ANO5: variants seen among roughly 807,000 people sequenced by gnomAD.
ANO5 encodes anoctamin 5.
A neutral mutation model predicts 121.0 loss-of-function variants in ANO5; 109 were observed. That is an observed-to-expected ratio of 0.90 (90% CI 0.77 to 1.06). The LOEUF is 1.06. Ranked by LOEUF, ANO5 falls within the 50% of genes least tolerant of loss-of-function variation. ANO5 has a pLI of 0.00. For synonymous variants in ANO5, 406 were observed against 359.9 expected (o/e 1.13, Z -1.45); for missense variants, 1,064 against 1,078.5 (o/e 0.99, Z 0.19).
chr11:22,211,456 A>G, intron 3 of ANO5, 142 bp downstream of exon 3: 1 of 1,051,400 alleles, frequency 9.5e-7, no homozygotes, highest in Non-Finnish European at 1.4e-6. Context: ...TACTTTAGAA[A>G]AAAAAAATCA....
At chr11:22,257,876 A>G in intron 14 of ANO5, 122 bp downstream of exon 14, 1 of 795,008 alleles carries the variant, frequency 1.3e-6, no homozygotes, top group South Asian at 1.5e-5. Flanking sequence ...TGGTCTTTTT[A>G]TCTTGGTTAT....
chr11:22,283,152 G>A lies in ANO5; in HGVS notation c.*3387G>A, dbSNP rs921154554. On this transcript the variant is annotated 3_prime_UTR_variant, in exon 22 of 22. Coordinates refer to ENST00000324559, the MANE Select transcript of ANO5 (RefSeq NM_213599.3). ...TTCCTCCTCCTCAAAGGTTTGACTG[G>A]GTGTATCTCTCCTATGTGTGACATT... The A allele has an allele frequency of 3.9e-5, 6 of 152,128 alleles. No individual in the cohort carries two copies. The highest frequency in any genetic ancestry group is 3.9e-4 in the Admixed American group (6 of 15,280). The allele number at this position is 152,128 out of a possible 1,614,324, so 9.4% of individuals were successfully genotyped here.
chr11:22,272,463 G>T (rs554992284), intron 18 of ANO5, among the ~76,000 whole-genome samples: 1 of 152,170 alleles, frequency 6.6e-6, no homozygotes, highest in East Asian at 1.9e-4. Flanking sequence ...TAGATGTAAA[G>T]ACTAGACAAG....
intron 21 of ANO5, among the ~76,000 whole-genome samples, chr11:22,278,958 T>A (rs1854972682): frequency 6.6e-6 from 1 of 151,694 alleles, no homozygotes; most frequent in Non-Finnish European, 1.5e-5. Context: ...GTGGTATAAT[T>A]TCTGCAGAAA....
Position 22,227,317 on chromosome 11 carries a change from A to T in ANO5, c.379A>T (p.Arg127Ter). The T allele has an allele frequency of 6.2e-7, 1 of 1,613,378 alleles. No homozygotes were observed. Among genetic ancestry groups the T allele is most frequent in the Non-Finnish European group, 8.5e-7 (1 of 1,179,668 alleles). ...TTTAATGCAGGACTCGGAAGATGGA[A>T]GAACTTATTTTGTCAAGATCCATGC... is the stretch of plus-strand genomic sequence containing the variant. ...IEDKRDSEDGRTYFVKIHAPW... is the reference protein window; with the variant it reads ...IEDKRDSEDG The change falls in exon 7 of 22, where the codon AGA becomes TGA. Residue 127 changes from arginine (R) to a stop codon, truncating the protein, a stop_gained. Coordinates refer to ENST00000324559, the MANE Select transcript of ANO5 (RefSeq NM_213599.3). LOFTEE classifies it high-confidence loss of function.
intron 12 of ANO5, among the ~76,000 whole-genome samples, chr11:22,253,581 A>C (rs565386098): frequency 6.6e-6 from 1 of 152,266 alleles, no homozygotes; most frequent in East Asian, 1.9e-4. Context: ...AGTTCATGAA[A>C]CTGTTCTCCC....
intron 11 of ANO5, 23 bp from the exon 12 acceptor site, chr11:22,250,928 T>C: frequency 6.2e-7 from 1 of 1,609,682 alleles, no homozygotes. Context: ...ATCTTTGTGA[T>C]ATTGTTATTG....
intron 4 of ANO5, among the ~76,000 whole-genome samples, chr11:22,218,502 A>G (rs1030015791): frequency 7.2e-5 from 11 of 152,052 alleles, no homozygotes; most frequent in Admixed American, 6.6e-4. Flanking sequence ...ACATTCTCAC[A>G]CATACACGTA....
At chr11:22,216,418 G>T (rs1852445449) in intron 3 of ANO5, among the ~76,000 whole-genome samples, 1 of 151,724 alleles carries the variant, frequency 6.6e-6, no homozygotes, top group South Asian at 2.1e-4. Context: ...AGTATCTTGT[G>T]ATTTCAATTC....
At position 22,271,568 on chromosome 11, in the gene ANO5, T is replaced by A. The variant is rs115677528; in HGVS notation, c.2029+1126T>A. Among the ~76,000 whole-genome samples, 839 of 152,322 alleles carry A rather than the reference T, an allele frequency of 5.5e-3. 4 individuals are homozygous for A. The highest frequency in any genetic ancestry group is 0.018 in the African/African-American group (758 of 41,570). On this transcript the variant is annotated intron_variant, in intron 18 of 21. Coordinates refer to ENST00000324559, the MANE Select transcript of ANO5 (RefSeq NM_213599.3). ...GCTATGATTTTTAATTGTGTAAGTT[T>A]CAAATGAGTTTGCACATATGTACAT...
chr11:22,231,101 AC>A (rs1181695193), intron 7 of ANO5, among the ~76,000 whole-genome samples: 13 of 151,976 alleles, frequency 8.6e-5, no homozygotes, highest in African/African-American at 3.1e-4. Context: ...GTGGCTGAGA[AC>A]TGCATGATTC....
Position 22,227,358 on chromosome 11 carries a change from A to C in ANO5, c.420A>C (p.Leu140Phe). 6.2e-7 allele frequency: 1 copy of C among 1,613,442 alleles called. No individual in the cohort carries two copies. The highest frequency in any genetic ancestry group is 8.5e-7 in the Non-Finnish European group (1 of 1,179,708). ...AGATCCATGCCCCTTGGGAGGTATTAGTTACCTATGCTGAAGTCTTGGGAA... is the reference window on the plus strand; with the variant it reads ...AGATCCATGCCCCTTGGGAGGTATTCGTTACCTATGCTGAAGTCTTGGGAA... ...FVKIHAPWEV[L>F]VTYAEVLGIK... is the part of the protein sequence containing the mutation. Residue 140 changes from leucine to phenylalanine, a missense_variant, in exon 7 of 22, where the codon TTA (leucine) becomes TTC (phenylalanine). Physicochemically the swap from Leu to Phe is conservative, Grantham distance 22. Transcript: ENST00000324559.
At chr11:22,245,129 T>A (rs1457767214) in intron 9 of ANO5, among the ~76,000 whole-genome samples, 4 of 152,180 alleles carry the variant, frequency 2.6e-5, no homozygotes, top group Non-Finnish European at 5.9e-5. Context: ...TTTTGTATAT[T>A]GGCAGAATGT....
Position 22,239,554 on chromosome 11 carries a change from C to T in ANO5, c.763-15C>T, listed in dbSNP as rs753314082. ...TGCTTCGTCTTTTATGTACCCTCCT[C>T]TTGAATATCTGCAGGGCCAATATTG... is the stretch of plus-strand genomic sequence containing the variant. On this transcript the variant is annotated splice_polypyrimidine_tract_variant and intron_variant, in intron 8 of 21. Coordinates refer to ENST00000324559, the MANE Select transcript of ANO5 (RefSeq NM_213599.3). 12 of 1,573,474 alleles carry T rather than the reference C, an allele frequency of 7.6e-6. No homozygotes were observed. In the East Asian group the frequency reaches 1.6e-4, roughly 21 times the overall value.
intron 19 of ANO5, 106 bp from the exon 20 acceptor site, chr11:22,274,463 C>A: frequency 9.7e-7 from 1 of 1,031,460 alleles, no homozygotes; most frequent in Non-Finnish European, 1.4e-6. Flanking sequence ...AGTATTTAAT[C>A]ATTTTGCATC....
chr11:22,239,209 T>TA (rs894636110), intron 8 of ANO5, among the ~76,000 whole-genome samples: 4 of 151,708 alleles, frequency 2.6e-5, no homozygotes, highest in Non-Finnish European at 4.4e-5. Flanking sequence ...TTTTCATCTA[T>TA]AAAAAAAAGT....
intron 3 of ANO5, among the ~76,000 whole-genome samples, chr11:22,214,620 T>A (rs1358266622): frequency 6.6e-6 from 1 of 151,884 alleles, no homozygotes; most frequent in Non-Finnish European, 1.5e-5. Context: ...CTATAGACAT[T>A]ATCAAGAGGC....
At chr11:22,266,135 A>G (rs563771779) in intron 17 of ANO5, among the ~76,000 whole-genome samples, 1 of 152,296 alleles carries the variant, frequency 6.6e-6, no homozygotes, top group African/African-American at 2.4e-5. Context: ...ACTATTTTTT[A>G]AAAAGCAAGG....
chr11:22,212,305 A>G (rs1016284350), intron 3 of ANO5, among the ~76,000 whole-genome samples: 15 of 151,850 alleles, frequency 9.9e-5, no homozygotes, highest in Admixed American at 7.9e-4. Flanking sequence ...ATATGAAACA[A>G]AGTGTTTTCA....
Sources: allele counts gnomAD v4.1 joint callset (sites outside exome capture counted in the v4.1 genomes callset), GRCh38; gene constraint gnomAD v4.1.1; transcripts MANE v1.5; gene names NCBI Gene and HGNC (gene_info 2026-07-23, HGNC 2026-07-21).